The following SEC24B variants were observed in gnomAD, a reference collection of about 807,000 sequenced individuals.
SEC24B encodes protein transport protein Sec24B.
In SEC24B, 45 loss-of-function variants were observed where a neutral mutation model predicts 142.8. The ratio of observed to expected loss-of-function variants is 0.32; its 90% CI spans 0.25 to 0.40. The LOEUF (loss-of-function observed/expected upper bound fraction) is 0.40. SEC24B is among the 10% of genes least tolerant of loss of function. The pLI, the probability that SEC24B is intolerant of heterozygous loss-of-function variation, is 1.00. For missense variants in SEC24B, 1,409 were observed against 1,526.8 expected (o/e 0.92, Z 1.29); for synonymous variants, 574 against 568.2 (o/e 1.01, Z -0.15).
chr4:109,451,325 C>T (rs573225792), intron 1 of SEC24B, among the ~76,000 whole-genome samples: 14 of 151,856 alleles, frequency 9.2e-5, no homozygotes, highest in Non-Finnish European at 1.5e-4. Context: ...TCAAGCGATC[C>T]TCTCAAGTAG....
intron 1 of SEC24B, among the ~76,000 whole-genome samples, chr4:109,443,532 A>G (rs533989503): frequency 4.5e-4 from 68 of 152,234 alleles, no homozygotes; most frequent in African/African-American, 1.5e-3. Flanking sequence ...ATGAACCACC[A>G]TGCCTGGCCT....
Position 109,520,620 on chromosome 4 carries a change from T to C in SEC24B, c.2245+136T>C, listed in dbSNP as rs1376299015. The C allele has an allele frequency of 1.5e-5, 10 of 675,312 alleles. No homozygotes were observed. In the East Asian group the frequency reaches 2.6e-4, roughly 18 times the overall value. 41.8% of individuals were successfully genotyped at this position (675,312 alleles called of 1,614,324 possible). On this transcript the variant is annotated intron_variant, in intron 12 of 23. Transcript: ENST00000265175. ...AGTATTTGTTCAAAATAATTGTTTT[T>C]CTGGAAATACTTGATTCTAAGTTAT... is the stretch of plus-strand genomic sequence containing the variant.
chr4:109,492,532 G>A (rs1307582001), intron 5 of SEC24B, among the ~76,000 whole-genome samples: 2 of 152,144 alleles, frequency 1.3e-5, no homozygotes, highest in Admixed American at 6.5e-5. Context: ...TTCAGTCAAC[G>A]AATTCTAATC....
At chr4:109,479,422 C>G (rs1463014414) in intron 3 of SEC24B, among the ~76,000 whole-genome samples, 1 of 152,086 alleles carries the variant, frequency 6.6e-6, no homozygotes, top group Non-Finnish European at 1.5e-5. Flanking sequence ...ATCTGTGTAT[C>G]TCATACATAG....
chr4:109,457,701 C>A (rs1240588358), intron 1 of SEC24B, among the ~76,000 whole-genome samples: 1 of 152,246 alleles, frequency 6.6e-6, no homozygotes, highest in Non-Finnish European at 1.5e-5. Flanking sequence ...TGTTCATTGA[C>A]TCTTCCTACT....
intron 8 of SEC24B, among the ~76,000 whole-genome samples, chr4:109,511,407 A>T (rs1036897607): frequency 6.6e-6 from 1 of 152,230 alleles, no homozygotes; most frequent in African/African-American, 2.4e-5. Flanking sequence ...TACTAAAATG[A>T]TAGCAGGTTA....
rs201656523 is a variant in SEC24B, at chr4:109,500,820, G to A, written c.1489-5508G>A. 3.0e-4 allele frequency among the ~76,000 whole-genome samples: 45 copies of A among 151,832 alleles called. No homozygotes were observed. In the East Asian group the frequency reaches 6.7e-3, roughly 23 times the overall value. ...ACAGGCGCCTGCCAGTACCACGCCC[G>A]GCTAATTTCTGTATTTTTAGTAGAG... is the stretch of plus-strand genomic sequence containing the variant. On this transcript the variant is annotated intron_variant, in intron 6 of 23. Transcript: ENST00000265175.
chr4:109,506,452 CTGT>C lies in SEC24B; in HGVS notation c.1615_1617del (p.Val539del). On this transcript the variant is annotated inframe_deletion, in exon 7 of 24. Transcript: ENST00000265175. ...GAGAGGAATATTTTACCTATGACTC[CTGT>C]TTGGGCTCCTGTACCTAACTTGAAT... 6.2e-7 allele frequency: 1 copy of C among 1,608,838 alleles called. No individual in the cohort carries two copies. Among genetic ancestry groups the C allele is most frequent in the South Asian group, 1.1e-5 (1 of 90,162 alleles).
chr4:109,460,153 T>C (rs1322680735), intron 1 of SEC24B, among the ~76,000 whole-genome samples: 1 of 152,154 alleles, frequency 6.6e-6, no homozygotes, highest in African/African-American at 2.4e-5. Flanking sequence ...CCTTACAGCT[T>C]GACTGTGTAA....
At chr4:109,440,168 G>T (rs1322655416) in intron 1 of SEC24B, among the ~76,000 whole-genome samples, 1 of 151,600 alleles carries the variant, frequency 6.6e-6, no homozygotes, top group Non-Finnish European at 1.5e-5. Flanking sequence ...TGTAAACAAG[G>T]GTCTTATATC....
chr4:109,471,699 A>G (rs1302461014), intron 2 of SEC24B, among the ~76,000 whole-genome samples: 1 of 152,094 alleles, frequency 6.6e-6, no homozygotes, highest in Non-Finnish European at 1.5e-5. Context: ...CTTCACTCAC[A>G]TGTCTAGCAG....
At chr4:109,452,224 A>T (rs903122137) in intron 1 of SEC24B, among the ~76,000 whole-genome samples, 2 of 152,160 alleles carry the variant, frequency 1.3e-5, no homozygotes, top group Admixed American at 1.3e-4. Context: ...GCTTAGCTAC[A>T]TTCATCCATG....
intron 4 of SEC24B, among the ~76,000 whole-genome samples, chr4:109,483,418 T>G (rs1356660888): frequency 2.0e-5 from 3 of 151,952 alleles, no homozygotes; most frequent in Non-Finnish European, 4.4e-5. Flanking sequence ...TGATACAGAG[T>G]TTTGCCTGTG....
intron 7 of SEC24B, among the ~76,000 whole-genome samples, chr4:109,508,024 A>T (rs1236419460): frequency 2.6e-5 from 4 of 152,220 alleles, no homozygotes; most frequent in Admixed American, 1.3e-4. Context: ...AATATTATAT[A>T]GAATTCCAAT....
intron 1 of SEC24B, among the ~76,000 whole-genome samples, chr4:109,444,283 TG>T: frequency 6.6e-6 from 1 of 152,016 alleles, no homozygotes; most frequent in East Asian, 1.9e-4. Flanking sequence ...TCCTAGAAAT[TG>T]TCCTAAGAAG....
At chr4:109,459,584 A>G (rs1460841299) in intron 1 of SEC24B, among the ~76,000 whole-genome samples, 4 of 152,218 alleles carry the variant, frequency 2.6e-5, no homozygotes, top group Admixed American at 6.5e-5. Context: ...GATTAGATAT[A>G]TTAGATATTC....
chr4:109,434,031 G>A, intron 1 of SEC24B, 29 bp downstream of exon 1: 3 of 1,098,082 alleles, frequency 2.7e-6, no homozygotes, highest in East Asian at 5.4e-5. Context: ...GCGGAGCGCG[G>A]GGCCTAGCAC....
At position 109,494,683 on chromosome 4, in the gene SEC24B, CCAGCTCCAGCTT is replaced by C. The variant is rs768223766; in HGVS notation, c.1327_1338del (p.Ser443_Ala446del). ...CCCTGAACCTGATCCTGCTTCTGCT[CCAGCTCCAGCTT>C]CAGCTCCAGCTCCTGTCGTCCCTCA... On this transcript the variant is annotated inframe_deletion, in exon 6 of 24. Transcript: ENST00000265175. 76 of 1,614,006 alleles carry C rather than the reference CCAGCTCCAGCTT, an allele frequency of 4.7e-5. 1 individual carries two copies. In the South Asian group the frequency reaches 7.5e-4, roughly 16 times the overall value.
At chr4:109,519,762 A>G (rs1723404879) in intron 11 of SEC24B, among the ~76,000 whole-genome samples, 1 of 152,234 alleles carries the variant, frequency 6.6e-6, no homozygotes, top group African/African-American at 2.4e-5. Context: ...TAGCAGTGAT[A>G]ATGCTTCTTG....
Sources: gnomAD v4.1 joint callset for allele counts (sites outside exome capture counted in the v4.1 genomes callset) on GRCh38, gnomAD v4.1.1 for gene constraint, MANE v1.5 for transcripts, NCBI Gene and HGNC (gene_info 2026-07-23, HGNC 2026-07-21) for gene names.